The following CDCA2 variants were observed in gnomAD, a reference collection of about 807,000 sequenced individuals.
CDCA2 encodes cell division cycle associated 2.
In CDCA2, 44 loss-of-function variants were observed where a neutral mutation model predicts 67.0. That is an observed-to-expected ratio of 0.66 (90% CI 0.52 to 0.84). The LOEUF is 0.84. CDCA2 is among the 40% of genes least tolerant of loss of function. The pLI is 0.00. For synonymous variants in CDCA2, 447 were observed against 418.7 expected (o/e 1.07, Z -0.82); for missense variants, 1,253 against 1,203.2 (o/e 1.04, Z -0.61).
chr8:25,475,691 CA>C (rs1803321869), intron 7 of CDCA2, among the ~76,000 whole-genome samples: 1 of 152,122 alleles, frequency 6.6e-6, no homozygotes, highest in Non-Finnish European at 1.5e-5. Context: ...GGAAGCTGGA[CA>C]GGGATTTTAA....
intron 14 of CDCA2, among the ~76,000 whole-genome samples, chr8:25,504,561 T>C (rs1223109487): frequency 6.6e-6 from 1 of 152,194 alleles, no homozygotes; most frequent in Non-Finnish European, 1.5e-5. Context: ...AGATTAATAA[T>C]AGACTTGAGG....
intron 4 of CDCA2, among the ~76,000 whole-genome samples, chr8:25,463,724 A>G (rs1244525894): frequency 6.6e-6 from 1 of 152,180 alleles, no homozygotes; most frequent in African/African-American, 2.4e-5. Flanking sequence ...TTAAAGTAGA[A>G]ATCGAATCAT....
chr8:25,487,220 G>A, intron 11 of CDCA2, 26 bp from the exon 12 acceptor site: 1 of 1,530,026 alleles, frequency 6.5e-7, no homozygotes, highest in Non-Finnish European at 9.0e-7. Context: ...TTCCTACCCT[G>A]ATTTAGCTTT....
intron 9 of CDCA2, 88 bp from the exon 10 acceptor site, chr8:25,483,878 T>G (rs1803661922): frequency 1.7e-6 from 2 of 1,152,114 alleles, no homozygotes; most frequent in East Asian, 4.8e-5. Flanking sequence ...AGCTGAATAT[T>G]ATCACATTAA....
At chr8:25,462,916 A>T (rs1365734763) in intron 4 of CDCA2, among the ~76,000 whole-genome samples, 1 of 152,184 alleles carries the variant, frequency 6.6e-6, no homozygotes, top group Non-Finnish European at 1.5e-5. Flanking sequence ...CCTGACCCTA[A>T]GCAATCCCTA....
intron 14 of CDCA2, among the ~76,000 whole-genome samples, chr8:25,505,318 C>T (rs1804635005): frequency 6.6e-6 from 1 of 152,326 alleles, no homozygotes; most frequent in African/African-American, 2.4e-5. Flanking sequence ...TCTCCTGCTT[C>T]AGCCTCCCAG....
chr8:25,506,949 A>T lies in CDCA2; in HGVS notation c.2283A>T (p.Ile761=). Residue 761 remains isoleucine (I), a synonymous_variant, in exon 15 of 15, where the codon ATA becomes ATT. Coordinates refer to ENST00000330560, the MANE Select transcript of CDCA2 (RefSeq NM_152562.4). ...TTAAAATTTCACCAGATTTAAACAT[A>T]AAGTGTGAAAGAAAGGATGACTTCT... ...QFFKISPDLN[I]KCERKDDFLG... The T allele has an allele frequency of 6.2e-7, 1 of 1,613,886 alleles. No homozygotes were observed. The highest frequency in any genetic ancestry group is 8.5e-7 in the Non-Finnish European group (1 of 1,179,900).
At chr8:25,467,059 A>AG (rs1208233129) in intron 5 of CDCA2, among the ~76,000 whole-genome samples, 7 of 141,564 alleles carry the variant, frequency 4.9e-5, no homozygotes, top group African/African-American at 1.1e-4. Flanking sequence ...AAAAAAAAAA[A>AG]AAAAAAACAC....
chr8:25,504,830 T>C (rs1804615088), intron 14 of CDCA2, among the ~76,000 whole-genome samples: 1 of 152,204 alleles, frequency 6.6e-6, no homozygotes, highest in East Asian at 1.9e-4. Context: ...CATACTTCCA[T>C]CACCTAGTTT....
Position 25,507,801 on chromosome 8 carries a change from T to A in CDCA2, c.*63T>A. The A allele has an allele frequency of 2.0e-6, 3 of 1,489,320 alleles. No homozygotes were observed. The highest frequency in any genetic ancestry group is 2.8e-5 in the African/African-American group (2 of 71,392). The allele number at this position is 1,489,320 out of a possible 1,614,324, so 92.3% of individuals were successfully genotyped here. A position where few individuals can be genotyped will look rare whatever the true frequency, so the allele number is the denominator to read the frequency against. On this transcript the variant is annotated 3_prime_UTR_variant, in exon 15 of 15. Coordinates refer to ENST00000330560, the MANE Select transcript of CDCA2 (RefSeq NM_152562.4). ...TAACCATCTATGCTGAAATGATCTG[T>A]CTAGTTCCCATTCTCTGTTCAACCT...
intron 7 of CDCA2, among the ~76,000 whole-genome samples, chr8:25,478,995 A>G (rs1803463654): frequency 6.6e-6 from 1 of 151,908 alleles, no homozygotes; most frequent in Non-Finnish European, 1.5e-5. Context: ...CCCTTCACCT[A>G]GTTTCCCGCA....
At chr8:25,488,947 A>C (rs1803894789) in intron 13 of CDCA2, among the ~76,000 whole-genome samples, 1 of 152,044 alleles carries the variant, frequency 6.6e-6, no homozygotes, top group Non-Finnish European at 1.5e-5. Flanking sequence ...CAAACCTGAA[A>C]TTCTCATTCT....
rs1803506808 is a variant in CDCA2, at chr8:25,480,034, C to T, written c.942C>T (p.Ala314=). 3 of 1,614,144 alleles carry T rather than the reference C, an allele frequency of 1.9e-6. No individual in the cohort carries two copies. The highest frequency in any genetic ancestry group is 2.5e-6 in the Non-Finnish European group (3 of 1,180,008). Residue 314 remains alanine (A), a synonymous_variant, in exon 8 of 15, where the codon GCC becomes GCT. Transcript: ENST00000330560. ...ATGTCAGGTCACCAGCTACTCCAGCCTGCAGGAGGGACCTTCCCACCCCCA... is the reference window on the plus strand; with the variant it reads ...ATGTCAGGTCACCAGCTACTCCAGCTTGCAGGAGGGACCTTCCCACCCCCA... ...VPDVRSPATP[A]CRRDLPTPKT...
intron 10 of CDCA2, among the ~76,000 whole-genome samples, chr8:25,485,536 A>G (rs2117519322): frequency 6.6e-6 from 1 of 152,296 alleles, no homozygotes; most frequent in Middle Eastern, 3.4e-3. Flanking sequence ...GATGGATTGC[A>G]GTTAGTAAGC....
intron 7 of CDCA2, among the ~76,000 whole-genome samples, chr8:25,471,936 T>C (rs1007053924): frequency 1.7e-4 from 26 of 152,244 alleles, no homozygotes; most frequent in Non-Finnish European, 3.8e-4. Context: ...TGTTGATTTC[T>C]GTATTTTAAA....
chr8:25,467,238 A>G (rs746006329), intron 5 of CDCA2, among the ~76,000 whole-genome samples: 5 of 151,854 alleles, frequency 3.3e-5, no homozygotes, highest in Non-Finnish European at 5.9e-5. Flanking sequence ...CATTATAACC[A>G]TTCTCTGGTA....
intron 13 of CDCA2, among the ~76,000 whole-genome samples, chr8:25,503,153 A>G (rs534840621): frequency 8.9e-4 from 135 of 152,112 alleles, no homozygotes; most frequent in Non-Finnish European, 1.5e-3. Flanking sequence ...TCGTGGTGGT[A>G]TGTACCTGTG....
chr8:25,498,561 T>G (rs1804342246), intron 13 of CDCA2, among the ~76,000 whole-genome samples: 1 of 150,144 alleles, frequency 6.7e-6, no homozygotes, highest in South Asian at 2.1e-4. Context: ...CACACACTCT[T>G]CTAAGAAGTA....
At chr8:25,485,732 C>A in intron 10 of CDCA2, 27 bp from the exon 11 acceptor site, 1 of 1,418,982 alleles carries the variant, frequency 7.0e-7, no homozygotes, top group Non-Finnish European at 9.8e-7. Flanking sequence ...TTAAAGATAT[C>A]TAACTTCTGT....
Sources: gnomAD v4.1 joint callset for allele counts (sites outside exome capture counted in the v4.1 genomes callset) on GRCh38, gnomAD v4.1.1 for gene constraint, MANE v1.5 for transcripts, NCBI Gene and HGNC (gene_info 2026-07-23, HGNC 2026-07-21) for gene names.